Variants in ATP6V1D observed in about 807,000 individuals in gnomAD.
ATP6V1D encodes the protein ATPase H+ transporting V1 subunit D.
Under a neutral mutation model 39.4 loss-of-function variants are expected in ATP6V1D, and 20 were observed. That is an observed-to-expected ratio of 0.51 (90% CI 0.36 to 0.74). ATP6V1D has a LOEUF of 0.74. Ranked by LOEUF, ATP6V1D falls within the 30% of genes least tolerant of loss-of-function variation. ATP6V1D has a pLI of 0.00. For missense variants in ATP6V1D, 228 were observed against 291.6 expected (o/e 0.78, Z 1.59); for synonymous variants, 100 against 100.5 (o/e 0.99, Z 0.03).
chr14:67,341,733 G>A (rs1408726973), intron 7 of ATP6V1D, among the ~76,000 whole-genome samples: 2 of 152,260 alleles, frequency 1.3e-5, no homozygotes, highest in African/African-American at 4.8e-5. Flanking sequence ...GCGGTTTTGT[G>A]GAATAGAAAA....
chr14:67,346,628 C>T (rs2085621386), intron 5 of ATP6V1D, among the ~76,000 whole-genome samples: 1 of 151,908 alleles, frequency 6.6e-6, no homozygotes, highest in Non-Finnish European at 1.5e-5. Context: ...AATATTGTTT[C>T]TATGAAAAAA....
chr14:67,341,098 G>A (rs1175887735), intron 7 of ATP6V1D, among the ~76,000 whole-genome samples: 27 of 152,042 alleles, frequency 1.8e-4, no homozygotes, highest in Admixed American at 9.8e-4. Context: ...GCCGCCACCC[G>A]GTCTGGGAAG....
At chr14:67,356,676 A>G (rs563877953) in intron 1 of ATP6V1D, among the ~76,000 whole-genome samples, 6 of 152,260 alleles carry the variant, frequency 3.9e-5, no homozygotes, top group East Asian at 3.9e-4. Context: ...GACTTTCCCA[A>G]TGCTCAAACT....
At chr14:67,355,842 AT>A (rs1335145010) in intron 1 of ATP6V1D, among the ~76,000 whole-genome samples, 5 of 151,564 alleles carry the variant, frequency 3.3e-5, no homozygotes, top group East Asian at 2.0e-4. Flanking sequence ...AAAAAAAAAA[AT>A]ATCAAAATTA....
At chr14:67,357,313 T>C (rs2085692064) in intron 1 of ATP6V1D, among the ~76,000 whole-genome samples, 1 of 152,234 alleles carries the variant, frequency 6.6e-6, no homozygotes, top group Non-Finnish European at 1.5e-5. Context: ...AGCTGCTCAG[T>C]CCTACTCAAA....
chr14:67,356,434 CAAA>C (rs11323157), intron 1 of ATP6V1D, among the ~76,000 whole-genome samples: 1 of 129,740 alleles, frequency 7.7e-6, no homozygotes, highest in Non-Finnish European at 1.8e-5. Context: ...AAAACAAAAA[CAAA>C]AAAAAAAAAA....
chr14:67,352,110 C>A (rs1176173461), intron 2 of ATP6V1D, among the ~76,000 whole-genome samples: 1 of 151,720 alleles, frequency 6.6e-6, no homozygotes, highest in African/African-American at 2.4e-5. Context: ...TAAAGCAAGA[C>A]CCCATCTCCA....
In ATP6V1D at chr14:67,340,508, G is replaced by A; in HGVS notation, c.534C>T (p.Pro178=). The A allele has an allele frequency of 6.3e-7, 1 of 1,599,642 alleles. No homozygotes were observed. Among genetic ancestry groups the A allele is most frequent in the Non-Finnish European group, 8.5e-7 (1 of 1,177,988 alleles). The change falls in exon 8 of 9, where the codon CCC becomes CCT. Residue 178 remains proline, a synonymous_variant. Transcript: ENST00000216442. ...RVNAIEHVII[P]RIERTLAYII... is the part of the protein sequence containing the mutation. Reference sequence around the variant, plus strand: ...TATAAGCAAGAGTACGTTCAATCCGGGGAATGATGACTAGAATAAAAAAAA... The same window carrying A: ...TATAAGCAAGAGTACGTTCAATCCGAGGAATGATGACTAGAATAAAAAAAA...
chr14:67,343,291 C>T (rs188128868), intron 7 of ATP6V1D, 81 bp downstream of exon 7: 68 of 1,078,468 alleles, frequency 6.3e-5, no homozygotes, highest in African/African-American at 1.6e-5. Context: ...GTCTTCAGTA[C>T]AGTCCCTGAA....
intron 2 of ATP6V1D, among the ~76,000 whole-genome samples, chr14:67,351,362 G>GA (rs965696268): frequency 2.2e-4 from 34 of 151,196 alleles, no homozygotes; most frequent in African/African-American, 8.0e-4. Flanking sequence ...AAGGTTTAAA[G>GA]AAAAAAAACT....
At chr14:67,352,080 G>A (rs1473264327) in intron 2 of ATP6V1D, among the ~76,000 whole-genome samples, 1 of 151,782 alleles carries the variant, frequency 6.6e-6, no homozygotes, top group African/African-American at 2.4e-5. Flanking sequence ...AGCCCAGGTG[G>A]TTGAGACCAC....
At chr14:67,353,259 G>A (rs1315230319) in intron 1 of ATP6V1D, among the ~76,000 whole-genome samples, 1 of 152,196 alleles carries the variant, frequency 6.6e-6, no homozygotes, top group African/African-American at 2.4e-5. Context: ...AATGTTGGGA[G>A]GTGGGACCAT....
At chr14:67,341,205 C>T (rs2085579239) in intron 7 of ATP6V1D, among the ~76,000 whole-genome samples, 1 of 152,128 alleles carries the variant, frequency 6.6e-6, no homozygotes, top group Non-Finnish European at 1.5e-5. Flanking sequence ...CTGTGACTGG[C>T]CGCCATCCCA....
chr14:67,352,988 G>C lies in ATP6V1D; in HGVS notation c.94C>G (p.Leu32Val). 1.2e-6 allele frequency: 2 copies of C among 1,613,978 alleles called. No homozygotes were observed. The highest frequency in any genetic ancestry group is 8.5e-7 in the Non-Finnish European group (1 of 1,179,950). ...RLKGAQTGRN[L>V]LKKKSDALTL... ...AAGGCATCAGATTTTTTCTTCAGGA[G>C]GTTTCGACCTGTCTGTGCTCCCTTT... Residue 32 changes from leucine to valine, a missense_variant, in exon 2 of 9, where the codon CTC becomes GTC. By Grantham distance (32) the Leu-to-Val change is conservative (BLOSUM62 1). Transcript: ENST00000216442.
intron 4 of ATP6V1D, 68 bp downstream of exon 4, chr14:67,348,969 T>G: frequency 6.9e-7 from 1 of 1,450,700 alleles, no homozygotes; most frequent in Non-Finnish European, 9.6e-7. Context: ...TCTTGCTGTA[T>G]AAACAGGTTA....
At chr14:67,350,361 T>C (rs1422673384) in intron 3 of ATP6V1D, among the ~76,000 whole-genome samples, 1 of 151,660 alleles carries the variant, frequency 6.6e-6, no homozygotes, top group Admixed American at 6.6e-5. Context: ...TAAGGAAAAA[T>C]GTTTATGATA....
At chr14:67,345,741 G>C (rs753660917) in intron 6 of ATP6V1D, 27 bp downstream of exon 6, 1 of 1,492,798 alleles carries the variant, frequency 6.7e-7, no homozygotes, top group Non-Finnish European at 9.3e-7. Flanking sequence ...CAAACTACAG[G>C]AGTTCTCCAG....
At chr14:67,349,781 T>C (rs1415352883) in intron 3 of ATP6V1D, among the ~76,000 whole-genome samples, 1 of 152,220 alleles carries the variant, frequency 6.6e-6, no homozygotes, top group Non-Finnish European at 1.5e-5. Flanking sequence ...TTATACACTA[T>C]TGATTGATCT....
chr14:67,344,979 T>C (rs1382192436), intron 6 of ATP6V1D, among the ~76,000 whole-genome samples: 1 of 150,838 alleles, frequency 6.6e-6, no homozygotes, highest in Non-Finnish European at 1.5e-5. Flanking sequence ...TGGTGGCTCA[T>C]ACCTATAATC....
Sources: gnomAD v4.1 joint callset for allele counts (sites outside exome capture counted in the v4.1 genomes callset) on GRCh38, gnomAD v4.1.1 for gene constraint, MANE v1.5 for transcripts, NCBI Gene and HGNC (gene_info 2026-07-23, HGNC 2026-07-21) for gene names.